The following EYA2 variants were observed in gnomAD, a reference collection of about 807,000 sequenced individuals.
EYA2 encodes the protein protein phosphatase EYA2.
Under a neutral mutation model 69.2 loss-of-function variants are expected in EYA2, and 31 were observed. That is an observed-to-expected ratio of 0.45 (90% CI 0.34 to 0.60). The LOEUF (loss-of-function observed/expected upper bound fraction) is 0.60. Among genes scored for constraint, EYA2 ranks in the 20% least tolerant of loss-of-function variants. The pLI is 0.02. For synonymous variants in EYA2, 257 were observed against 279.4 expected (o/e 0.92, Z 0.80); for missense variants, 622 against 701.2 (o/e 0.89, Z 1.28).
chr20:46,928,764 A>G (rs562182679), intron 1 of EYA2, among the ~76,000 whole-genome samples: 13 of 152,314 alleles, frequency 8.5e-5, no homozygotes, highest in Non-Finnish European at 1.8e-4. Flanking sequence ...GACCTCACCC[A>G]TGTTGAAGCT....
intron 5 of EYA2, among the ~76,000 whole-genome samples, chr20:47,017,653 G>A (rs1383585065): frequency 6.6e-6 from 1 of 152,178 alleles, no homozygotes; most frequent in Non-Finnish European, 1.5e-5. Flanking sequence ...GGTAAGGTCT[G>A]TGTCCAAGTT....
chr20:47,056,642 G>A (rs1192876387), intron 5 of EYA2, among the ~76,000 whole-genome samples: 3 of 152,146 alleles, frequency 2.0e-5, no homozygotes, highest in Non-Finnish European at 4.4e-5. Flanking sequence ...TCAACCATGT[G>A]TCCATAGTTA....
chr20:47,129,556 G>A lies in EYA2; in HGVS notation c.889-13503G>A, dbSNP rs77707910. Among the ~76,000 whole-genome samples the A allele has an allele frequency of 1.8e-4, 27 of 152,310 alleles. No individual in the cohort carries two copies. In the East Asian group the frequency reaches 4.2e-3, roughly 24 times the overall value. On this transcript the variant is annotated intron_variant, in intron 9 of 15. Coordinates refer to ENST00000327619, the MANE Select transcript of EYA2 (RefSeq NM_005244.5). ...AGAGCACATGAGGCCACTAGAAGAC[G>A]GTGGCTTTACTCAGAGGGCCAGGGG...
intron 1 of EYA2, among the ~76,000 whole-genome samples, chr20:46,937,360 A>G (rs1450768138): frequency 6.6e-6 from 1 of 152,230 alleles, no homozygotes; most frequent in Non-Finnish European, 1.5e-5. Context: ...TCATCTGTAT[A>G]GTGGGAAGAG....
At chr20:46,895,204 T>C (rs1983737566) in intron 1 of EYA2, among the ~76,000 whole-genome samples, 1 of 152,090 alleles carries the variant, frequency 6.6e-6, no homozygotes, top group Admixed American at 6.5e-5. Flanking sequence ...CTGGAAAGGC[T>C]CTCCCAGGCT....
intron 5 of EYA2, among the ~76,000 whole-genome samples, chr20:47,047,404 T>TTTTTTTTTTTTTA (rs2030099504): frequency 2.0e-5 from 3 of 152,092 alleles, no homozygotes; most frequent in African/African-American, 7.2e-5. Flanking sequence ...CTCTTTTTTT[T>TTTTTTTTTTTTTA]GAGACAAAGT....
chr20:46,935,387 C>T (rs1985863220), intron 1 of EYA2, among the ~76,000 whole-genome samples: 1 of 152,198 alleles, frequency 6.6e-6, no homozygotes, highest in African/African-American at 2.4e-5. Context: ...GTGCTGGCAC[C>T]TACTTTGCAG....
chr20:47,153,889 T>C (rs2033870897), intron 10 of EYA2, among the ~76,000 whole-genome samples: 1 of 152,018 alleles, frequency 6.6e-6, no homozygotes, highest in Non-Finnish European at 1.5e-5. Flanking sequence ...TGGCTGACTT[T>C]CCACTTCTTC....
intron 7 of EYA2, among the ~76,000 whole-genome samples, chr20:47,077,223 G>A (rs2031549674): frequency 1.3e-5 from 2 of 152,198 alleles, no homozygotes; most frequent in Non-Finnish European, 2.9e-5. Context: ...GCAACATGTG[G>A]CAGAGTCCAT....
At chr20:47,063,749 A>G (rs2031001406) in intron 5 of EYA2, among the ~76,000 whole-genome samples, 4 of 152,194 alleles carry the variant, frequency 2.6e-5, no homozygotes, top group Admixed American at 1.3e-4. Context: ...GTGTAACCAG[A>G]TAACCAATGG....
chr20:47,166,411 A>T lies in EYA2; in HGVS notation c.979-2728A>T, dbSNP rs2034192177. Among the ~76,000 whole-genome samples, 15 of 136,504 alleles carry T rather than the reference A, an allele frequency of 1.1e-4. 1 individual carries two copies. Among genetic ancestry groups the T allele is most frequent in the African/African-American group, 4.6e-4 (15 of 32,854 alleles). 89.6% of individuals were successfully genotyped at this position (136,504 alleles called of 152,430 possible). On this transcript the variant is annotated intron_variant, in intron 10 of 15. Coordinates refer to ENST00000327619, the MANE Select transcript of EYA2 (RefSeq NM_005244.5). ...GACTGTCTAAAAAAAAAAAAAAAAAAAAAAAAAAAAAAAAAAAAAAGCTTT... is the reference window on the plus strand; with the variant it reads ...GACTGTCTAAAAAAAAAAAAAAAAATAAAAAAAAAAAAAAAAAAAAGCTTT...
chr20:46,977,284 A>G (rs542052760), intron 1 of EYA2, among the ~76,000 whole-genome samples: 1 of 152,384 alleles, frequency 6.6e-6, no homozygotes, highest in Non-Finnish European at 1.5e-5. Flanking sequence ...ATGTATTTAC[A>G]AATATTTTTA....
At chr20:47,164,141 T>A (rs1243082232) in intron 10 of EYA2, among the ~76,000 whole-genome samples, 1 of 151,968 alleles carries the variant, frequency 6.6e-6, no homozygotes, top group Non-Finnish European at 1.5e-5. Flanking sequence ...GCGCTGAGGG[T>A]CGTGGGATTC....
At chr20:46,976,692 G>T in intron 1 of EYA2, among the ~76,000 whole-genome samples, 1 of 152,170 alleles carries the variant, frequency 6.6e-6, no homozygotes, top group Admixed American at 6.5e-5. Context: ...GACCCTAAGA[G>T]AGTTTTTGGA....
chr20:46,923,009 CA>C (rs1346873406), intron 1 of EYA2, among the ~76,000 whole-genome samples: 2 of 151,658 alleles, frequency 1.3e-5, no homozygotes, highest in East Asian at 1.9e-4. Context: ...CATTCCATTT[CA>C]AAAAAAGGTA....
At chr20:47,001,214 T>C (rs1052957590) in intron 2 of EYA2, among the ~76,000 whole-genome samples, 52 of 152,234 alleles carry the variant, frequency 3.4e-4, no homozygotes, top group African/African-American at 1.2e-3. Flanking sequence ...TTTCCTTAAC[T>C]GCACAGAGAC....
intron 9 of EYA2, among the ~76,000 whole-genome samples, chr20:47,130,256 A>ATTTTTTTTTT (rs1392782309): frequency 3.6e-4 from 25 of 69,766 alleles, no homozygotes; most frequent in African/African-American, 8.5e-4. Flanking sequence ...AAGAAGGTTT[A>ATTTTTTTTTT]TTTTCTTTTT....
At chr20:47,135,816 T>TA in intron 9 of EYA2, among the ~76,000 whole-genome samples, 1 of 25,180 alleles carries the variant, frequency 4.0e-5, no homozygotes, top group African/African-American at 1.1e-4. Context: ...ACCCTGTCTC[T>TA]ACAAAAAAAA....
chr20:47,053,702 A>G (rs6094570), intron 5 of EYA2, among the ~76,000 whole-genome samples: 31,239 of 148,062 alleles, frequency 0.21, 3,714 homozygotes, highest in South Asian at 0.31. Context: ...AGATTCTTCT[A>G]TCTCCCAAGA....
Sources: gnomAD v4.1 joint callset for allele counts (sites outside exome capture counted in the v4.1 genomes callset) on GRCh38, gnomAD v4.1.1 for gene constraint, MANE v1.5 for transcripts, NCBI Gene and HGNC (gene_info 2026-07-23, HGNC 2026-07-21) for gene names.